The following INTS7 variants were observed in gnomAD, a reference collection of about 807,000 sequenced individuals.
INTS7 encodes integrator complex subunit 7.
INTS7 carries 46 observed loss-of-function variants against 109.2 expected under a neutral mutation model. The ratio of observed to expected loss-of-function variants is 0.42; its 90% CI spans 0.33 to 0.54. The LOEUF is 0.54. INTS7 is among the 20% of genes least tolerant of loss of function. INTS7 has a pLI of 0.07. For missense variants in INTS7, 929 were observed against 1,132.4 expected (o/e 0.82, Z 2.58); for synonymous variants, 412 against 402.9 (o/e 1.02, Z -0.27).
rs1187013832 is a variant in INTS7 at position 211,940,600 on chromosome 1, C to A, written c.*1224G>T. On this transcript the variant is annotated 3_prime_UTR_variant, in exon 20 of 20. Coordinates refer to ENST00000366994, the MANE Select transcript of INTS7 (RefSeq NM_015434.4). ...GTTAAGTTATATCTACCATACTGTG[C>A]TAAGAAAGTCTATTTTATCATGGTT... 1 of 152,068 alleles carries A rather than the reference C, an allele frequency of 6.6e-6. No individual in the cohort carries two copies. The highest frequency in any genetic ancestry group is 1.5e-5 in the Non-Finnish European group (1 of 68,018). 9.4% of individuals were successfully genotyped at this position (152,068 alleles called of 1,614,324 possible). A position where few individuals can be genotyped will look rare whatever the true frequency, so the allele number is the denominator to read the frequency against.
chr1:211,997,948 CCAACAA>C (rs1665484355), intron 7 of INTS7, among the ~76,000 whole-genome samples: 1 of 151,032 alleles, frequency 6.6e-6, no homozygotes, highest in Non-Finnish European at 1.5e-5. Context: ...GATGTAAAGA[CCAACAA>C]AAATCCCAGC....
intron 8 of INTS7, among the ~76,000 whole-genome samples, chr1:211,987,164 G>A (rs561545859): frequency 2.0e-5 from 3 of 152,192 alleles, no homozygotes; most frequent in Admixed American, 6.5e-5. Context: ...AGCCATGGTG[G>A]CGGGCGCCTG....
At chr1:212,023,880 A>T (rs1666809746) in intron 1 of INTS7, among the ~76,000 whole-genome samples, 1 of 149,438 alleles carries the variant, frequency 6.7e-6, no homozygotes, top group Admixed American at 6.6e-5. Flanking sequence ...AATCCACCTT[A>T]ATTTTTGTAT....
chr1:212,029,191 A>C (rs1018505031), intron 1 of INTS7, among the ~76,000 whole-genome samples: 2 of 152,236 alleles, frequency 1.3e-5, no homozygotes, highest in East Asian at 3.8e-4. Flanking sequence ...CAAGCAACAG[A>C]AGCTAACTCT....
At position 212,007,231 on chromosome 1, in the gene INTS7, T is replaced by A. The variant is rs114589100; in HGVS notation, c.756+19A>T. 7 of 1,568,538 alleles carry A rather than the reference T, an allele frequency of 4.5e-6. No individual in the cohort carries two copies. Among genetic ancestry groups the A allele is most frequent in the Admixed American group, 1.7e-5 (1 of 59,706 alleles). On this transcript the variant is annotated intron_variant, in intron 6 of 19. Transcript: ENST00000366994. ...GTAAGTTTACCAAAGATAGGCAGTT[T>A]AAAGAAAATTGAAATTACCTGCTTA...
intron 16 of INTS7, among the ~76,000 whole-genome samples, chr1:211,962,726 G>A (rs140101305): frequency 1.1e-4 from 17 of 152,186 alleles, no homozygotes; most frequent in South Asian, 2.1e-4. Context: ...CAAGAAAATC[G>A]CTCAAAACCA....
At chr1:212,009,622 G>T (rs1463024043) in intron 5 of INTS7, among the ~76,000 whole-genome samples, 1 of 152,118 alleles carries the variant, frequency 6.6e-6, no homozygotes, top group Admixed American at 6.5e-5. Flanking sequence ...AAGCTATTAC[G>T]GGTTCAAGAA....
chr1:211,967,684 A>C (rs1265569741), intron 15 of INTS7, among the ~76,000 whole-genome samples, 194 bp downstream of exon 15: 1 of 152,166 alleles, frequency 6.6e-6, no homozygotes, highest in Non-Finnish European at 1.5e-5. Flanking sequence ...CCTTCGAGTC[A>C]CCATTTTTTG....
chr1:211,982,756 C>A lies in INTS7; in HGVS notation c.1052G>T (p.Cys351Phe). 1 of 1,608,538 alleles carries A rather than the reference C, an allele frequency of 6.2e-7. No homozygotes were observed. The highest frequency in any genetic ancestry group is 8.5e-7 in the Non-Finnish European group (1 of 1,175,412). The change falls in exon 9 of 20, where the codon TGC becomes TTC. Residue 351 changes from cysteine to phenylalanine, a missense_variant. This residue lies in a region of INTS7 where 787 missense variants were observed against 901.1 expected (regional missense o/e 0.87). Transcript: ENST00000366994. ...SSDLVKLAQE[C>F]CYHNNRGIAA... Reference sequence around the variant, plus strand: ...AATGCCCCTGTTATTATGGTAACAGCACTCTTGGGCTAATTTGACTAAATC... The same window carrying A: ...AATGCCCCTGTTATTATGGTAACAGAACTCTTGGGCTAATTTGACTAAATC...
chr1:212,033,441 G>C (rs1051583185), intron 1 of INTS7, among the ~76,000 whole-genome samples: 1 of 152,178 alleles, frequency 6.6e-6, no homozygotes, highest in African/African-American at 2.4e-5. Flanking sequence ...TTGCTGGGAG[G>C]AGTGCAAATG....
chr1:211,992,757 A>C (rs570225545), intron 7 of INTS7, among the ~76,000 whole-genome samples: 1 of 152,378 alleles, frequency 6.6e-6, no homozygotes, highest in East Asian at 1.9e-4. Flanking sequence ...TTAACAGAGC[A>C]AATCATGAAG....
At chr1:212,004,169 G>A (rs888302746) in intron 7 of INTS7, among the ~76,000 whole-genome samples, 1 of 151,910 alleles carries the variant, frequency 6.6e-6, no homozygotes, top group East Asian at 1.9e-4. Context: ...ACATGATGAC[G>A]ATTCTCTACT....
intron 5 of INTS7, among the ~76,000 whole-genome samples, chr1:212,007,869 G>A (rs1201796185): frequency 2.0e-5 from 3 of 152,164 alleles, no homozygotes; most frequent in Non-Finnish European, 4.4e-5. Context: ...TAATCAGGAT[G>A]TGAATAAACT....
At chr1:211,957,372 C>G (rs1221233480) in intron 16 of INTS7, among the ~76,000 whole-genome samples, 4 of 152,014 alleles carry the variant, frequency 2.6e-5, no homozygotes, top group African/African-American at 7.3e-5. Context: ...ATGGTGAAAC[C>G]CTGACTCTAC....
intron 14 of INTS7, among the ~76,000 whole-genome samples, chr1:211,968,276 TTTAAAAAAATC>T (rs1664000834): frequency 6.6e-6 from 1 of 152,214 alleles, no homozygotes; most frequent in Non-Finnish European, 1.5e-5. Flanking sequence ...TTCTCAAGTT[TTTAAAAAAATC>T]TGTCCTTTCT....
intron 7 of INTS7, among the ~76,000 whole-genome samples, chr1:211,994,067 C>T (rs1665262283): frequency 6.6e-6 from 1 of 151,842 alleles, no homozygotes; most frequent in Non-Finnish European, 1.5e-5. Flanking sequence ...ATAAGACTGG[C>T]TGAGACAAAG....
chr1:211,989,656 TAC>T (rs1665059554), intron 7 of INTS7, among the ~76,000 whole-genome samples: 1 of 151,870 alleles, frequency 6.6e-6, no homozygotes, highest in Non-Finnish European at 1.5e-5. Flanking sequence ...ACCCTGTCTC[TAC>T]TAAAAACACA....
chr1:211,948,380 G>C (rs1057189378), intron 17 of INTS7, among the ~76,000 whole-genome samples: 1 of 152,186 alleles, frequency 6.6e-6, no homozygotes, highest in African/African-American at 2.4e-5. Flanking sequence ...CAAGTAATTT[G>C]GAAAGTATTT....
intron 16 of INTS7, among the ~76,000 whole-genome samples, chr1:211,955,191 G>C (rs1217329209): frequency 6.6e-6 from 1 of 151,890 alleles, no homozygotes; most frequent in African/African-American, 2.4e-5. Flanking sequence ...TTGGCTCTCT[G>C]TTTGTCTGTT....
Sources: gnomAD v4.1 joint callset for allele counts (sites outside exome capture counted in the v4.1 genomes callset) on GRCh38, gnomAD v4.1.1 for gene constraint, gnomAD v4.1.1 regional missense constraint, MANE v1.5 for transcripts, NCBI Gene and HGNC (gene_info 2026-07-23, HGNC 2026-07-21) for gene names.